Variants in RIC1 observed in about 807,000 individuals in gnomAD.
RIC1 encodes RIC1 partner of RAB6A GEF complex.
RIC1 carries 88 observed loss-of-function variants against 169.0 expected under a neutral mutation model. That is an observed-to-expected ratio of 0.52 (90% CI 0.44 to 0.62). The LOEUF (loss-of-function observed/expected upper bound fraction) is 0.62. RIC1 is among the 20% of genes least tolerant of loss of function. RIC1 has a pLI of 0.00. For missense variants in RIC1, 1,877 were observed against 1,725.5 expected, an observed-to-expected ratio of 1.09 and a Z score of -1.56; for synonymous variants, 790 against 601.5, an observed-to-expected ratio of 1.31 and a Z score of -4.59.
chr9:5,671,189 C>T (rs1202464137), intron 2 of RIC1, among the ~76,000 whole-genome samples: 3 of 151,786 alleles, frequency 2.0e-5, no homozygotes, highest in African/African-American at 4.8e-5. Context: ...ACAGATGATA[C>T]AAAAATATCA....
At chr9:5,645,055 A>G (rs890485932) in intron 1 of RIC1, among the ~76,000 whole-genome samples, 2 of 152,216 alleles carry the variant, frequency 1.3e-5, no homozygotes, top group East Asian at 1.9e-4. Context: ...CCATTTCGCT[A>G]TACCTATGTA....
chr9:5,639,192 A>C (rs907885558), intron 1 of RIC1, among the ~76,000 whole-genome samples: 2 of 152,316 alleles, frequency 1.3e-5, no homozygotes, highest in African/African-American at 4.8e-5. Flanking sequence ...GGCATGAGCC[A>C]CTATACCCGG....
At chr9:5,746,174 A>C (rs949632859) in intron 11 of RIC1, 91 bp downstream of exon 11, 8 of 854,732 alleles carry the variant, frequency 9.4e-6, no homozygotes, top group Non-Finnish European at 1.4e-5. Context: ...TATACTTCTA[A>C]AATTGGCATA....
chr9:5,684,888 T>C (rs1821117064), intron 2 of RIC1, among the ~76,000 whole-genome samples: 1 of 152,202 alleles, frequency 6.6e-6, no homozygotes, highest in Non-Finnish European at 1.5e-5. Flanking sequence ...ATGTTGAATT[T>C]TGTCTAATGC....
chr9:5,772,528 C>A, intron 23 of RIC1, 36 bp from the exon 24 acceptor site: 1 of 1,496,632 alleles, frequency 6.7e-7, no homozygotes, highest in African/African-American at 1.4e-5. Flanking sequence ...ATTTTCTCCA[C>A]GAAGTTGGTT....
At chr9:5,651,673 C>G (rs532153710) in intron 1 of RIC1, among the ~76,000 whole-genome samples, 4 of 150,472 alleles carry the variant, frequency 2.7e-5, no homozygotes, top group African/African-American at 9.7e-5. Context: ...AAGTGATTCT[C>G]CTGCCTCAGC....
chr9:5,721,931 C>A (rs1770172232), intron 6 of RIC1, among the ~76,000 whole-genome samples: 1 of 150,512 alleles, frequency 6.6e-6, no homozygotes, highest in African/African-American at 2.4e-5. Context: ...TCTTGTTGTC[C>A]AGACTGGAGT....
At chr9:5,716,826 C>T (rs1008568442) in intron 4 of RIC1, among the ~76,000 whole-genome samples, 16 of 152,258 alleles carry the variant, frequency 1.1e-4, no homozygotes, top group Admixed American at 7.8e-4. Context: ...TAACAACTGA[C>T]ACCAGCTTTT....
chr9:5,769,755 G>A, intron 22 of RIC1: 1 of 249,304 alleles, frequency 4.0e-6, no homozygotes, highest in East Asian at 8.7e-5. Context: ...TGTGAATATT[G>A]AAACCAAAAC....
Position 5,738,478 on chromosome 9 carries a change from A to T in RIC1, c.841A>T (p.Asn281Tyr), listed in dbSNP as rs2130956448. The T allele has an allele frequency of 3.1e-6, 5 of 1,607,544 alleles. No individual in the cohort carries two copies. The South Asian group carries it at 5.6e-5, about 18-fold the overall frequency. The change falls in exon 8 of 26, where the codon AAC (asparagine) becomes TAC (tyrosine). Residue 281 changes from asparagine (N) to tyrosine (Y), a missense_variant. By Grantham distance (143) the Asn-to-Tyr change is moderately radical. This residue lies in a region of RIC1 where 1,104 missense variants were observed against 992.0 expected (regional missense o/e 1.11). Transcript: ENST00000414202. ...TTCTGTGCAGGTCTATACAATAGAT[A>T]ACAGCACTGGAGCCATGCTGCTATC... ...SGSVQVYTID[N>Y]STGAMLLSHK... is the part of the protein sequence containing the mutation.
At chr9:5,679,031 A>G (rs1208318623) in intron 2 of RIC1, among the ~76,000 whole-genome samples, 1 of 152,170 alleles carries the variant, frequency 6.6e-6, no homozygotes, top group Non-Finnish European at 1.5e-5. Flanking sequence ...ATAAGGTATA[A>G]GGAAGGGATC....
intron 15 of RIC1, among the ~76,000 whole-genome samples, chr9:5,755,860 G>A (rs1825977090): frequency 1.3e-5 from 2 of 151,892 alleles, no homozygotes; most frequent in South Asian, 4.2e-4. Flanking sequence ...AAGGCGGAGG[G>A]TGCAGTGAGC....
chr9:5,720,164 A>C lies in RIC1; in HGVS notation c.441-18A>C, dbSNP rs781589142. On this transcript the variant is annotated intron_variant, in intron 4 of 25. Transcript: ENST00000414202. ...TTCCCAGTATGCTCTCTTAAAAATT[A>C]ATTGATTCTACCTACAGTTTGCAGT... 3.8e-6 allele frequency: 6 copies of C among 1,599,416 alleles called. No individual in the cohort carries two copies. In the African/African-American group the frequency reaches 5.4e-5, roughly 14 times the overall value.
chr9:5,669,195 A>C (rs1336159099), intron 2 of RIC1, among the ~76,000 whole-genome samples: 1 of 151,868 alleles, frequency 6.6e-6, no homozygotes, highest in Non-Finnish European at 1.5e-5. Context: ...TCCTTATCCT[A>C]CTCCCAAGAG....
intron 3 of RIC1, among the ~76,000 whole-genome samples, chr9:5,694,744 G>A (rs981829130): frequency 1.8e-4 from 27 of 151,350 alleles, no homozygotes; most frequent in African/African-American, 6.3e-4. Flanking sequence ...CAGACTGGAG[G>A]CTGTCTCAAT....
chr9:5,689,849 G>T, intron 2 of RIC1, 110 bp from the exon 3 acceptor site: 1 of 647,422 alleles, frequency 1.5e-6, no homozygotes, highest in Non-Finnish European at 2.6e-6. Flanking sequence ...TCCAAGGGAG[G>T]GTATTGGAGA....
intron 2 of RIC1, among the ~76,000 whole-genome samples, chr9:5,669,077 C>G (rs986466042): frequency 6.6e-6 from 1 of 152,162 alleles, no homozygotes; most frequent in Non-Finnish European, 1.5e-5. Context: ...TGAAGAGTTC[C>G]TTTTATGATT....
chr9:5,715,988 G>T (rs1360470511), intron 4 of RIC1, among the ~76,000 whole-genome samples: 1 of 151,950 alleles, frequency 6.6e-6, no homozygotes, highest in Non-Finnish European at 1.5e-5. Context: ...GGGACTACAG[G>T]CACACGTCAC....
chr9:5,762,693 AT>A lies in RIC1; in HGVS notation c.2112+35del. 3.1e-6 allele frequency: 5 copies of A among 1,606,376 alleles called. No homozygotes were observed. In the South Asian group the frequency reaches 3.3e-5, roughly 11 times the overall value. On this transcript the variant is annotated intron_variant, in intron 18 of 25. Coordinates refer to ENST00000414202, the MANE Select transcript of RIC1 (RefSeq NM_020829.4). ...AAGTACTAGTCATTTCTTTTCAAAC[AT>A]TAAGAAGGTATGGGATGAGGATGAA...
Sources: gnomAD v4.1 joint callset for allele counts (sites outside exome capture counted in the v4.1 genomes callset) on GRCh38, gnomAD v4.1.1 for gene constraint, gnomAD v4.1.1 regional missense constraint, MANE v1.5 for transcripts, NCBI Gene and HGNC (gene_info 2026-07-23, HGNC 2026-07-21) for gene names.